The following TXLNG variants were observed in gnomAD, a reference collection of about 807,000 sequenced individuals.
TXLNG encodes gamma-taxilin.
A neutral mutation model predicts 38.8 loss-of-function variants in TXLNG; 5 were observed. The ratio of observed to expected loss-of-function variants is 0.13; its 90% CI spans 0.07 to 0.27. TXLNG has a LOEUF of 0.27. Among genes scored for constraint, TXLNG ranks in the 10% least tolerant of loss-of-function variants. The pLI is 1.00. For missense variants in TXLNG, 393 were observed against 398.2 expected, an observed-to-expected ratio of 0.99 and a Z score of 0.11; for synonymous variants, 182 against 158.2, an observed-to-expected ratio of 1.15 and a Z score of -1.13.
At chrX:16,802,210 C>T (rs1928127112) in intron 1 of TXLNG, among the ~76,000 whole-genome samples, 1 of 105,391 alleles carries the variant, frequency 9.5e-6, no homozygotes, top group Non-Finnish European at 1.9e-5. Flanking sequence ...CCACCTTGGC[C>T]TCCCAAAGTG....
rs1261468905 is a variant in TXLNG at position 16,837,529 on chromosome X, G to C, written c.1060-64G>C. ...ATAAGTAACCATACTACGTTCTTTT[G>C]AAAGTTTGGGAACTGGAATTGTTTG... On this transcript the variant is annotated intron_variant, in intron 7 of 9. Coordinates refer to ENST00000380122, the MANE Select transcript of TXLNG (RefSeq NM_018360.3). 1.8e-5 allele frequency: 15 copies of C among 849,522 alleles called. No homozygotes were observed. In the South Asian group the frequency reaches 3.0e-4, roughly 17 times the overall value. 70.0% of individuals were successfully genotyped at this position (849,522 alleles called of 1,213,427 possible).
At position 16,841,065 on chromosome X, in the gene TXLNG, C is replaced by T. The variant is rs186508262; in HGVS notation, c.1249-363C>T. Among the ~76,000 whole-genome samples, 37 of 109,566 alleles carry T rather than the reference C, an allele frequency of 3.4e-4. No homozygotes were observed. The East Asian group carries it at 3.5e-3, about 10-fold the overall frequency. On this transcript the variant is annotated intron_variant, in intron 9 of 9. Coordinates refer to ENST00000380122, the MANE Select transcript of TXLNG (RefSeq NM_018360.3). The stretch of plus-strand genomic sequence containing the variant: ...CAAAAATTAGCTGGGCGTGGTGGGG[C>T]GCGCCTGTAGTCCCAGTTACTCGGG...
At chrX:16,800,717 AAC>A (rs1928057724) in intron 1 of TXLNG, among the ~76,000 whole-genome samples, 1 of 110,988 alleles carries the variant, frequency 9.0e-6, no homozygotes, top group African/African-American at 3.3e-5. Context: ...GGCGTGTGCT[AAC>A]ACATCTGGCC....
intron 1 of TXLNG, among the ~76,000 whole-genome samples, chrX:16,804,876 A>C (rs370880040): frequency 2.6e-4 from 26 of 100,672 alleles, no homozygotes; most frequent in African/African-American, 9.8e-4. Context: ...CCAATAGGTA[A>C]TTTCTCATAC....
chrX:16,841,920 CT>C lies in TXLNG; in HGVS notation c.*156del. On this transcript the variant is annotated 3_prime_UTR_variant, in exon 10 of 10. Transcript: ENST00000380122. ...TGGACTTATGTGGTACAGGAGGCTGCTTAGCAGTTTTGAATAGTTTAATCTA... is the reference window on the plus strand; with the variant it reads ...TGGACTTATGTGGTACAGGAGGCTGCTAGCAGTTTTGAATAGTTTAATCTA... 1.6e-6 allele frequency: 1 copy of C among 612,134 alleles called. No homozygotes were observed. The highest frequency in any genetic ancestry group is 2.5e-6 in the Non-Finnish European group (1 of 402,379). 50.4% of individuals were successfully genotyped at this position (612,134 alleles called of 1,213,427 possible). A position where few individuals can be genotyped will look rare whatever the true frequency, so the allele number is the denominator to read the frequency against.
At chrX:16,787,263 C>T (rs1927526878) in intron 1 of TXLNG, among the ~76,000 whole-genome samples, 1 of 111,959 alleles carries the variant, frequency 8.9e-6, no homozygotes, top group Non-Finnish European at 1.9e-5. Flanking sequence ...CTTGGCTGCA[C>T]GTGGGGCCGG....
chrX:16,790,857 G>A (rs1927676109), intron 1 of TXLNG, among the ~76,000 whole-genome samples: 1 of 111,756 alleles, frequency 8.9e-6, no homozygotes, highest in South Asian at 3.7e-4. Context: ...AGCTGAGTCT[G>A]GAACCCAATA....
At chrX:16,827,329 C>T (rs1362104760) in intron 3 of TXLNG, among the ~76,000 whole-genome samples, 2 of 112,035 alleles carry the variant, frequency 1.8e-5, no homozygotes, top group Non-Finnish European at 3.8e-5. Context: ...GACATTCACC[C>T]AGCAAACAGC....
intron 3 of TXLNG, among the ~76,000 whole-genome samples, chrX:16,821,839 A>C (rs1307969800): frequency 1.9e-5 from 2 of 105,451 alleles, no homozygotes; most frequent in Non-Finnish European, 3.9e-5. Flanking sequence ...AAATACAAAA[A>C]AAAAATTAGC....
intron 3 of TXLNG, among the ~76,000 whole-genome samples, chrX:16,820,861 C>T (rs930520723): frequency 9.0e-5 from 10 of 111,454 alleles, no homozygotes; most frequent in African/African-American, 3.3e-4. Context: ...CTCCACCTCC[C>T]GGGTTCACGC....
chrX:16,816,128 G>A (rs368815774), intron 1 of TXLNG, among the ~76,000 whole-genome samples: 92 of 106,815 alleles, frequency 8.6e-4, no homozygotes, highest in African/African-American at 3.0e-3. Flanking sequence ...GTGCAGTGGC[G>A]CGATATCGGC....
intron 5 of TXLNG, among the ~76,000 whole-genome samples, chrX:16,830,830 C>CGTGTGTGTGTGTGTGTGTGTGGGTGTGT (rs1929371182): frequency 2.6e-5 from 1 of 37,964 alleles, no homozygotes; most frequent in Non-Finnish European, 4.0e-5. Context: ...ACCGTAATTC[C>CGTGTGTGTGTGTGTGTGTGTGGGTGTGT]GTGTGTGTGT....
At chrX:16,799,122 G>A (rs376668537) in intron 1 of TXLNG, among the ~76,000 whole-genome samples, 1 of 110,094 alleles carries the variant, frequency 9.1e-6, no homozygotes, top group South Asian at 3.9e-4. Context: ...CAGGTGATCC[G>A]CGCACCTCGG....
chrX:16,797,010 G>A (rs1355381036), intron 1 of TXLNG, among the ~76,000 whole-genome samples: 3 of 111,449 alleles, frequency 2.7e-5, no homozygotes, highest in Admixed American at 1.9e-4. Flanking sequence ...GAGGCTGGGC[G>A]CGGTGGCTCA....
At chrX:16,808,656 AGGG>A (rs1928408228) in intron 1 of TXLNG, among the ~76,000 whole-genome samples, 1 of 111,588 alleles carries the variant, frequency 9.0e-6, no homozygotes, top group Non-Finnish European at 1.9e-5. Context: ...TATGTGCTAC[AGGG>A]TATTTTGCTT....
At chrX:16,828,072 A>T (rs771369787) in intron 3 of TXLNG, 22 bp from the exon 4 acceptor site, 1 of 1,174,757 alleles carries the variant, frequency 8.5e-7, no homozygotes, top group African/African-American at 1.8e-5. Flanking sequence ...CTTCCTAAAT[A>T]CAAAGTGCTT....
rs373520738 is a variant in TXLNG at position 16,820,153 on chromosome X, T to G, written c.407-11T>G. On this transcript the variant is annotated splice_polypyrimidine_tract_variant and intron_variant, in intron 2 of 9. Coordinates refer to ENST00000380122, the MANE Select transcript of TXLNG (RefSeq NM_018360.3). ...CTTCTGGGACTTATTTCTTTTCTTG[T>G]TAACCATCAGGAAAAGAAGTTTTAT... The G allele has an allele frequency of 4.2e-6, 5 of 1,181,989 alleles. No individual in the cohort carries two copies. In the African/African-American group the frequency reaches 8.9e-5, roughly 21 times the overall value.
At chrX:16,829,119 G>A (rs1456391573) in intron 4 of TXLNG, among the ~76,000 whole-genome samples, 1 of 111,924 alleles carries the variant, frequency 8.9e-6, no homozygotes, top group African/African-American at 3.2e-5. Flanking sequence ...ATCCTAGCAA[G>A]AATTGAAAGT....
intron 8 of TXLNG, chrX:16,839,513 C>A (rs996024564): frequency 6.6e-6 from 1 of 151,028 alleles, no homozygotes; most frequent in African/African-American, 3.1e-5. Flanking sequence ...TCAGCCTTAA[C>A]TGAGTTCAGA....
Sources: gnomAD v4.1 joint callset for allele counts (sites outside exome capture counted in the v4.1 genomes callset) on GRCh38, gnomAD v4.1.1 for gene constraint, MANE v1.5 for transcripts, NCBI Gene and HGNC (gene_info 2026-07-23, HGNC 2026-07-21) for gene names.